The following ADGRB1 variants were observed in gnomAD, a reference collection of about 807,000 sequenced individuals.
The protein encoded by ADGRB1 is brain-specific angiogenesis inhibitor 1.
A neutral mutation model predicts 175.7 loss-of-function variants in ADGRB1; 36 were observed. The observed-to-expected ratio is 0.20, with a 90% CI of 0.16 to 0.27. The LOEUF (loss-of-function observed/expected upper bound fraction) is 0.27. Ranked by LOEUF, ADGRB1 falls within the 10% of genes least tolerant of loss-of-function variation. The pLI is 1.00. For missense variants in ADGRB1, 1,731 were observed against 2,255.3 expected, an observed-to-expected ratio of 0.77 and a Z score of 4.71; for synonymous variants, 1,054 against 979.4, an observed-to-expected ratio of 1.08 and a Z score of -1.42.
intron 17 of ADGRB1, among the ~76,000 whole-genome samples, chr8:142,491,650 C>G (rs1841986313): frequency 6.6e-6 from 1 of 152,214 alleles, no homozygotes; most frequent in Non-Finnish European, 1.5e-5. Flanking sequence ...TGTGTGCACC[C>G]TGCCGCCCGC....
Position 142,481,311 on chromosome 8 carries a change from C to A in ADGRB1, c.1886C>A (p.Pro629His). 1 of 1,613,862 alleles carries A rather than the reference C, an allele frequency of 6.2e-7. No individual in the cohort carries two copies. Among genetic ancestry groups the A allele is most frequent in the South Asian group, 1.1e-5 (1 of 91,084 alleles). ...GAAGGCATCGCCTACTGGGAGCCCCCCACCTACATCCGCTGTGTTTCCATT... is the reference window on the plus strand; with the variant it reads ...GAAGGCATCGCCTACTGGGAGCCCCACACCTACATCCGCTGTGTTTCCATT... ...DEEGIAYWEPPTYIRCVSIDY... is the reference protein window; with the variant it reads ...DEEGIAYWEPHTYIRCVSIDY... The change falls in exon 10 of 31, where the codon CCC (proline) becomes CAC (histidine). Residue 629 changes from proline to histidine, a missense_variant. By Grantham distance (77) the Pro-to-His change is moderately conservative. Coordinates refer to ENST00000517894, the MANE Select transcript of ADGRB1 (RefSeq NM_001702.3).
chr8:142,530,550 GC>G (rs1334789966), intron 24 of ADGRB1, among the ~76,000 whole-genome samples: 2 of 152,216 alleles, frequency 1.3e-5, no homozygotes, highest in African/African-American at 4.8e-5. Flanking sequence ...TGGGAGAAGA[GC>G]TCTGGGCCCT....
chr8:142,536,978 C>G lies in ADGRB1; in HGVS notation c.3571-9C>G. On this transcript the variant is annotated splice_polypyrimidine_tract_variant and intron_variant, in intron 25 of 30. Coordinates refer to ENST00000517894, the MANE Select transcript of ADGRB1 (RefSeq NM_001702.3). The stretch of plus-strand genomic sequence containing the variant: ...GCTGCCACTGAGGTGCTCGGCTCTC[C>G]CTCCCCAGGTCCAGGACGCTGTGAA... 2 of 1,577,164 alleles carry G rather than the reference C, an allele frequency of 1.3e-6. No individual in the cohort carries two copies. Among genetic ancestry groups the G allele is most frequent in the South Asian group, 2.3e-5 (2 of 86,016 alleles).
chr8:142,464,458 C>T lies in ADGRB1; in HGVS notation c.260C>T (p.Ala87Val). 2 of 1,578,778 alleles carry T rather than the reference C, an allele frequency of 1.3e-6. No individual in the cohort carries two copies. The highest frequency in any genetic ancestry group is 1.7e-4 in the Middle Eastern group (1 of 5,996). Residue 87 changes from alanine to valine, a missense_variant, in exon 2 of 31, where the codon GCC (alanine) becomes GTC (valine). Physicochemically the swap from Ala to Val is moderately conservative, Grantham distance 64. Around this residue, in one of 8 missense-constraint regions of ADGRB1, gnomAD observed 383 missense variants for 383.1 expected, o/e 1.00. Transcript: ENST00000517894. Reference sequence around the variant, plus strand: ...CGCTACACTCTCTACATGAAGGTGGCCAAGGCGCCCGTGCCCTGCAGCGGC... The same window carrying T: ...CGCTACACTCTCTACATGAAGGTGGTCAAGGCGCCCGTGCCCTGCAGCGGC... ...PRRYTLYMKV[A>V]KAPVPCSGPG...
intron 17 of ADGRB1, among the ~76,000 whole-genome samples, chr8:142,494,753 A>C (rs1040823891): frequency 6.6e-6 from 1 of 151,228 alleles, no homozygotes; most frequent in African/African-American, 2.4e-5. Flanking sequence ...TGGGTCATCC[A>C]GTCCTGAACG....
intron 2 of ADGRB1, among the ~76,000 whole-genome samples, chr8:142,470,879 C>T (rs1019658904): frequency 2.0e-5 from 3 of 152,144 alleles, no homozygotes; most frequent in Non-Finnish European, 4.4e-5. Flanking sequence ...GTTGGAGACA[C>T]AGTCAGGCTC....
chr8:142,475,362 C>G (rs1273417380), intron 2 of ADGRB1, 112 bp from the exon 3 acceptor site: 1 of 1,103,678 alleles, frequency 9.1e-7, no homozygotes, highest in Non-Finnish European at 1.2e-6. Context: ...CCCGGCACTG[C>G]GGCCCCTCCC....
At chr8:142,520,010 ATGGTGG>A (rs1426930442) in intron 19 of ADGRB1, among the ~76,000 whole-genome samples, 2 of 48,250 alleles carry the variant, frequency 4.1e-5, no homozygotes, top group African/African-American at 1.6e-4. Context: ...GATTATGGTG[ATGGTGG>A]TGATGGTGGT....
intron 1 of ADGRB1, among the ~76,000 whole-genome samples, chr8:142,454,863 C>T (rs903780589): frequency 6.6e-6 from 1 of 152,116 alleles, no homozygotes; most frequent in African/African-American, 2.4e-5. Flanking sequence ...GGACTAGCCT[C>T]CTTCCTCCAC....
At chr8:142,500,698 G>T (rs1308543507) in intron 17 of ADGRB1, among the ~76,000 whole-genome samples, 1 of 152,122 alleles carries the variant, frequency 6.6e-6, no homozygotes, top group East Asian at 1.9e-4. Context: ...TGTTCTGAAG[G>T]ATGTGGGAAG....
At chr8:142,478,406 G>A in intron 7 of ADGRB1, 46 bp downstream of exon 7, 2 of 1,528,688 alleles carry the variant, frequency 1.3e-6, no homozygotes, top group Non-Finnish European at 8.8e-7. Flanking sequence ...TAACAAGCAG[G>A]AGCCTCTAGG....
chr8:142,515,323 C>T (rs576566581), intron 18 of ADGRB1, among the ~76,000 whole-genome samples: 2 of 152,342 alleles, frequency 1.3e-5, no homozygotes, highest in South Asian at 4.1e-4. Flanking sequence ...TCTTGGTCTA[C>T]CCCTCCTAGT....
Position 142,455,574 on chromosome 8 carries a change from G to T in ADGRB1, c.-220+5470G>T, listed in dbSNP as rs1354003603. ...ACAGCTGAGGTCAGGAGGACCCAGG[G>T]ATTACTGGGAGCTCAGAGACTGGGG... is the stretch of plus-strand genomic sequence containing the variant. On this transcript the variant is annotated intron_variant, in intron 1 of 30. Coordinates refer to ENST00000517894, the MANE Select transcript of ADGRB1 (RefSeq NM_001702.3). The surrounding 1 kb of genome is among the most constrained non-coding windows in gnomAD (Gnocchi z 4.9). 6.6e-6 allele frequency among the ~76,000 whole-genome samples: 1 copy of T among 152,190 alleles called. No homozygotes were observed. Among genetic ancestry groups the T allele is most frequent in the East Asian group, 1.9e-4 (1 of 5,168 alleles).
chr8:142,462,971 C>A (rs1840051974), intron 1 of ADGRB1, among the ~76,000 whole-genome samples: 1 of 152,218 alleles, frequency 6.6e-6, no homozygotes, highest in Non-Finnish European at 1.5e-5. Flanking sequence ...AGTCACTCAA[C>A]CTGGGCCCTC....
chr8:142,542,049 C>G lies in ADGRB1; in HGVS notation c.3815C>G (p.Pro1272Arg), dbSNP rs753020748. The G allele has an allele frequency of 1.9e-6, 3 of 1,611,954 alleles. No homozygotes were observed. The highest frequency in any genetic ancestry group is 2.7e-5 in the African/African-American group (2 of 74,914). The change falls in exon 28 of 31, where the codon CCG (proline) becomes CGG (arginine). Residue 1272 changes from proline to arginine, a missense_variant. Physicochemically the swap from Pro to Arg is moderately radical, Grantham distance 103. This residue lies in a region of ADGRB1 where 301 missense variants were observed against 488.4 expected (regional missense o/e 0.62). Transcript: ENST00000517894. This position sits in a 1 kb window ranked among gnomAD's most constrained non-coding sequence, Gnocchi z 6.3. ...EKLKLAHAKG[P>R]PTNFNSLPAN... is the part of the protein sequence containing the mutation. ...CTGAAGCTGGCCCATGCCAAGGGGC[C>G]GCCCACCAATTTCAACAGCCTGCCG...
intron 2 of ADGRB1, among the ~76,000 whole-genome samples, chr8:142,468,227 CGT>C: frequency 6.7e-6 from 1 of 150,272 alleles, no homozygotes; most frequent in Admixed American, 6.6e-5. Flanking sequence ...TGTGTGTGTG[CGT>C]GTGCAGTACA....
chr8:142,476,639 G>A lies in ADGRB1; in HGVS notation c.1001G>A (p.Arg334Gln), dbSNP rs373422611. 204 of 1,548,604 alleles carry A rather than the reference G, an allele frequency of 1.3e-4. 1 individual carries two copies. The East Asian group carries it at 2.4e-3, about 19-fold the overall frequency. The change falls in exon 4 of 31, where the codon CGG (arginine) becomes CAG (glutamine). Residue 334 changes from arginine to glutamine, a missense_variant. Physicochemically the swap from Arg to Gln is conservative, Grantham distance 43. Around this residue, in one of 8 missense-constraint regions of ADGRB1, gnomAD observed 178 missense variants for 227.8 expected, o/e 0.78. Transcript: ENST00000517894. ...SQSLRSTDAR[R>Q]REELGDELQQ... ...TCCCTGCGGTCCACAGATGCCCGGC[G>A]GCGCGAGGAGCTGGGGGACGAGCTG... is the stretch of plus-strand genomic sequence containing the variant.
chr8:142,535,344 G>A (rs1844864127), intron 25 of ADGRB1, among the ~76,000 whole-genome samples: 1 of 152,044 alleles, frequency 6.6e-6, no homozygotes, highest in Non-Finnish European at 1.5e-5. Flanking sequence ...GGGAAGGAGG[G>A]GACCCAGCAT....
At chr8:142,503,740 T>C (rs1283991570) in intron 17 of ADGRB1, among the ~76,000 whole-genome samples, 1 of 152,154 alleles carries the variant, frequency 6.6e-6, no homozygotes. Context: ...GCAGACAGCC[T>C]GGGGCCTCTG....
Sources: allele counts gnomAD v4.1 joint callset (sites outside exome capture counted in the v4.1 genomes callset), GRCh38; gene constraint gnomAD v4.1.1; regional missense constraint gnomAD v4.1.1; non-coding constraint Gnocchi (gnomAD v3.1); transcripts MANE v1.5; gene names NCBI Gene and HGNC (gene_info 2026-07-23, HGNC 2026-07-21).